RXFP1: variants seen among roughly 807,000 people sequenced by gnomAD.
The protein encoded by RXFP1 is relaxin family peptide receptor 1, also known as relaxin receptor 1.
Under a neutral mutation model 89.8 loss-of-function variants are expected in RXFP1, and 73 were observed. The observed-to-expected ratio is 0.81, with a 90% CI of 0.67 to 0.99. The LOEUF (loss-of-function observed/expected upper bound fraction) is 0.99. Ranked by LOEUF, RXFP1 falls within the 50% of genes least tolerant of loss-of-function variation. RXFP1 has a pLI of 0.00. For missense variants in RXFP1, 793 were observed against 895.5 expected, an observed-to-expected ratio of 0.89 and a Z score of 1.46; for synonymous variants, 277 against 305.5, an observed-to-expected ratio of 0.91 and a Z score of 0.97.
intron 15 of RXFP1, 45 bp downstream of exon 15, chr4:158,645,183 C>A (rs892321190): frequency 2.1e-6 from 3 of 1,413,410 alleles, no homozygotes; most frequent in Admixed American, 1.8e-5. Context: ...TTGAAATATA[C>A]AAAAGCTTTA....
intron 2 of RXFP1, among the ~76,000 whole-genome samples, chr4:158,591,532 T>G (rs949306094): frequency 2.1e-5 from 3 of 142,600 alleles, no homozygotes; most frequent in Admixed American, 7.3e-5. Flanking sequence ...GTAGATCACC[T>G]CACCCGAGAA....
At chr4:158,562,753 G>A (rs1224318932) in intron 1 of RXFP1, among the ~76,000 whole-genome samples, 1 of 152,012 alleles carries the variant, frequency 6.6e-6, no homozygotes, top group Non-Finnish European at 1.5e-5. Context: ...TGATCTTAAA[G>A]TACACATCCC....
At chr4:158,592,367 A>C (rs1759658735) in intron 2 of RXFP1, among the ~76,000 whole-genome samples, 1 of 152,000 alleles carries the variant, frequency 6.6e-6, no homozygotes, top group Non-Finnish European at 1.5e-5. Flanking sequence ...TGAGGTCAGG[A>C]GTTCCAGACC....
chr4:158,565,893 G>C (rs1156955657), intron 1 of RXFP1, among the ~76,000 whole-genome samples: 3 of 152,180 alleles, frequency 2.0e-5, no homozygotes, highest in Non-Finnish European at 4.4e-5. Context: ...TACCTGACAG[G>C]TTGAAATGAG....
chr4:158,621,890 T>C (rs993038288), intron 9 of RXFP1, among the ~76,000 whole-genome samples: 1 of 152,218 alleles, frequency 6.6e-6, no homozygotes, highest in Non-Finnish European at 1.5e-5. Flanking sequence ...TTAGAATCTC[T>C]ATTATCAAAA....
At chr4:158,578,274 G>T (rs1406512393) in intron 2 of RXFP1, among the ~76,000 whole-genome samples, 2 of 151,978 alleles carry the variant, frequency 1.3e-5, no homozygotes, top group African/African-American at 4.8e-5. Context: ...TCTCTGCTCA[G>T]AACTGTCACA....
intron 1 of RXFP1, among the ~76,000 whole-genome samples, chr4:158,570,119 A>G (rs544514659): frequency 1.3e-5 from 2 of 152,338 alleles, no homozygotes; most frequent in African/African-American, 4.8e-5. Context: ...TTTTTCTTCA[A>G]AAAAGGAAGT....
intron 6 of RXFP1, chr4:158,610,820 A>G: frequency 1.4e-6 from 1 of 696,042 alleles, no homozygotes; most frequent in Non-Finnish European, 2.1e-6. Flanking sequence ...AAAGGAGGGA[A>G]GGAAGAGGCT....
At chr4:158,594,897 C>T (rs1470374680) in intron 3 of RXFP1, among the ~76,000 whole-genome samples, 1 of 152,014 alleles carries the variant, frequency 6.6e-6, no homozygotes, top group Non-Finnish European at 1.5e-5. Context: ...ATAATTGAGG[C>T]TTTATTTATG....
chr4:158,563,856 A>G (rs934562561), intron 1 of RXFP1, among the ~76,000 whole-genome samples: 10 of 148,078 alleles, frequency 6.8e-5, no homozygotes, highest in Non-Finnish European at 1.0e-4. Flanking sequence ...ATAACATTAT[A>G]TTATATAATG....
intron 12 of RXFP1, 82 bp downstream of exon 12, chr4:158,633,558 G>A (rs1157591692): frequency 4.5e-6 from 4 of 893,520 alleles, no homozygotes; most frequent in South Asian, 1.7e-5. Context: ...CATAAAATTA[G>A]CCATTTTTAA....
Position 158,612,283 on chromosome 4 carries a change from G to A in RXFP1, c.609-8G>A. ...TAAATGAATTAATTTTTTTCTTCTG[G>A]CTGTCAGGATAATTGAAGATAATCA... On this transcript the variant is annotated splice_region_variant and splice_polypyrimidine_tract_variant and intron_variant, in intron 7 of 17. Transcript: ENST00000307765. 1 of 1,609,308 alleles carries A rather than the reference G, an allele frequency of 6.2e-7. No homozygotes were observed. Among genetic ancestry groups the A allele is most frequent in the Non-Finnish European group, 8.5e-7 (1 of 1,177,940 alleles).
At chr4:158,610,610 A>G in intron 6 of RXFP1, 1 of 1,152,830 alleles carries the variant, frequency 8.7e-7, no homozygotes, top group Non-Finnish European at 1.2e-6. Flanking sequence ...ATTATGGTTC[A>G]CTGAAAGGAG....
chr4:158,552,903 G>A (rs550674523), intron 1 of RXFP1, among the ~76,000 whole-genome samples: 1 of 152,176 alleles, frequency 6.6e-6, no homozygotes, highest in Non-Finnish European at 1.5e-5. Flanking sequence ...TATATCAGAT[G>A]GCTAGGTGCT....
At chr4:158,619,992 G>T (rs1051499941) in intron 9 of RXFP1, among the ~76,000 whole-genome samples, 2 of 152,192 alleles carry the variant, frequency 1.3e-5, no homozygotes, top group Non-Finnish European at 2.9e-5. Context: ...AGAAGTTCAT[G>T]TCAAATTATA....
chr4:158,622,555 C>A (rs1052830602), intron 9 of RXFP1, among the ~76,000 whole-genome samples: 1 of 152,110 alleles, frequency 6.6e-6, no homozygotes, highest in African/African-American at 2.4e-5. Context: ...AGAGATCCTG[C>A]CATTTTGACA....
chr4:158,542,713 A>C (rs2149838160), intron 1 of RXFP1, among the ~76,000 whole-genome samples: 1 of 152,170 alleles, frequency 6.6e-6, no homozygotes, highest in South Asian at 2.1e-4. Context: ...CCTTGCCTTC[A>C]CCTTTTGGCA....
intron 2 of RXFP1, among the ~76,000 whole-genome samples, chr4:158,576,137 A>T (rs1306295878): frequency 6.6e-6 from 1 of 152,224 alleles, no homozygotes; most frequent in Non-Finnish European, 1.5e-5. Flanking sequence ...GTAAAAAATA[A>T]CTATTTCAAT....
At chr4:158,561,158 GA>G (rs1389938732) in intron 1 of RXFP1, among the ~76,000 whole-genome samples, 1 of 152,116 alleles carries the variant, frequency 6.6e-6, no homozygotes, top group Non-Finnish European at 1.5e-5. Flanking sequence ...AACTCAAGTT[GA>G]AAAAATTGAA....
Sources: gnomAD v4.1 joint callset for allele counts (sites outside exome capture counted in the v4.1 genomes callset) on GRCh38, gnomAD v4.1.1 for gene constraint, MANE v1.5 for transcripts, NCBI Gene and HGNC (gene_info 2026-07-23, HGNC 2026-07-21) for gene names.